LILRB5: variants seen among roughly 807,000 people sequenced by gnomAD.
The protein encoded by LILRB5 is leukocyte immunoglobulin like receptor B5, also known as leukocyte immunoglobulin-like receptor subfamily B member 5.
LILRB5 carries 61 observed loss-of-function variants against 68.4 expected under a neutral mutation model. The ratio of observed to expected loss-of-function variants is 0.89; its 90% CI spans 0.73 to 1.10. LILRB5 has a LOEUF of 1.10. Ranked by LOEUF, LILRB5 falls within the 50% of genes least tolerant of loss-of-function variation. The probability of loss-of-function intolerance (pLI) is 0.00; values close to 1 mark genes in which losing one functional copy is unlikely to be tolerated. For synonymous variants in LILRB5, 356 were observed against 315.8 expected (o/e 1.13, Z -1.35); for missense variants, 771 against 751.6 (o/e 1.03, Z -0.30).
In LILRB5 at chr19:54,256,500, A is replaced by T; in HGVS notation, c.344T>A (p.Leu115Gln). The stretch of plus-strand genomic sequence containing the variant: ...GAGTGTCCTCTCACCTGTCGCCACC[A>T]GCTCCAGGGGGTCACTGGGCTCTGA... ...GWSEPSDPLELVATGFYAEPT... is the reference protein window; with the variant it reads ...GWSEPSDPLEQVATGFYAEPT... The change falls in exon 3 of 13, where the codon CTG becomes CAG. Residue 115 changes from leucine (L) to glutamine (Q), a missense_variant. Transcript: ENST00000449561. 6.2e-7 allele frequency: 1 copy of T among 1,614,012 alleles called. No individual in the cohort carries two copies. Among genetic ancestry groups the T allele is most frequent in the East Asian group, 2.2e-5 (1 of 44,872 alleles).
At chr19:54,253,142 CTG>C (rs1368689024) in intron 8 of LILRB5, 155 bp from the exon 9 acceptor site, 1 of 327,458 alleles carries the variant, frequency 3.1e-6, no homozygotes, top group Non-Finnish European at 6.1e-6. Flanking sequence ...GAGGAGCAAA[CTG>C]AGGCTCAGAG....
chr19:54,251,363 T>C, intron 12 of LILRB5: 1 of 758,274 alleles, frequency 1.3e-6, no homozygotes, highest in East Asian at 2.7e-5. Flanking sequence ...ACCTTGCCCA[T>C]TTGGCTGCAG....
intron 12 of LILRB5, chr19:54,251,222 G>C (rs1436122595): frequency 1.5e-6 from 2 of 1,342,312 alleles, no homozygotes; most frequent in South Asian, 2.6e-5. Flanking sequence ...ACCTCCTGGA[G>C]TCAATTTTCC....
At position 54,252,862 on chromosome 19, in the gene LILRB5, C is replaced by T. The variant is rs771368965; in HGVS notation, c.1474+9G>A. The T allele has an allele frequency of 7.2e-5, 116 of 1,602,970 alleles. No homozygotes were observed. The highest frequency in any genetic ancestry group is 9.3e-5 in the Non-Finnish European group (109 of 1,172,992). On this transcript the variant is annotated intron_variant, in intron 9 of 12. Transcript: ENST00000449561. ...GGTCGGCCCACGGGTTCCCCCATTCCCTACTCACCCGATGTCCTGTGTTTG... is the reference window on the plus strand; with the variant it reads ...GGTCGGCCCACGGGTTCCCCCATTCTCTACTCACCCGATGTCCTGTGTTTG...
rs572964615 is a variant in LILRB5 at position 54,256,942 on chromosome 19, C to T, written c.70+19G>A. 1.5e-5 allele frequency: 24 copies of T among 1,614,184 alleles called. No individual in the cohort carries two copies. The African/African-American group carries it at 2.9e-4, about 20-fold the overall frequency. Reference sequence around the variant, plus strand: ...CCCAGTGAGAAGAAGGGACCTGGGACAGCTGGGGACAGACTCACCTGCCTG... The same window carrying T: ...CCCAGTGAGAAGAAGGGACCTGGGATAGCTGGGGACAGACTCACCTGCCTG... On this transcript the variant is annotated intron_variant, in intron 2 of 12. Coordinates refer to ENST00000449561, the MANE Select transcript of LILRB5 (RefSeq NM_001081442.3).
At chr19:54,253,965 A>G in intron 8 of LILRB5, 53 bp downstream of exon 8, 2 of 1,557,004 alleles carry the variant, frequency 1.3e-6, no homozygotes, top group Non-Finnish European at 1.7e-6. Flanking sequence ...GACAGAACCC[A>G]CCCCTGCCTC....
chr19:54,256,828 C>T (rs11879136), intron 2 of LILRB5, 55 bp from the exon 3 acceptor site: 431,052 of 1,608,210 alleles, frequency 0.27, 62,220 homozygotes, highest in African/African-American at 0.44. Flanking sequence ...CAGATTCCAG[C>T]TCTCAGCCCC....
rs1033215344 is a variant in LILRB5, at chr19:54,249,766, C to G, written c.*1020G>C. ...GAAATGTATGGGCTGGACGTGGTGG[C>G]TCACGCCTGTAAGCCCAGCACTTTG... On this transcript the variant is annotated 3_prime_UTR_variant, in exon 13 of 13. Transcript: ENST00000449561. The G allele has an allele frequency of 6.6e-6, 1 of 152,278 alleles. No individual in the cohort carries two copies. The highest frequency in any genetic ancestry group is 2.4e-5 in the African/African-American group (1 of 41,456). 9.4% of individuals were successfully genotyped at this position (152,278 alleles called of 1,614,324 possible).
chr19:54,253,394 T>C (rs1030785111), intron 8 of LILRB5: 1 of 203,842 alleles, frequency 4.9e-6, no homozygotes, highest in African/African-American at 2.3e-5. Flanking sequence ...GGACGGACCC[T>C]GCATTGCTCT....
rs944132557 is a variant in LILRB5, at chr19:54,255,057, G to A, written c.953-20C>T. ...TCAGTCCTGGAGAGAAGAAGGATGG[G>A]TGAGGGGCTGCCCCACCTTGCTCTG... On this transcript the variant is annotated intron_variant, in intron 5 of 12. Coordinates refer to ENST00000449561, the MANE Select transcript of LILRB5 (RefSeq NM_001081442.3). The A allele has an allele frequency of 6.3e-7, 1 of 1,580,384 alleles. No individual in the cohort carries two copies. Among genetic ancestry groups the A allele is most frequent in the East Asian group, 2.2e-5 (1 of 44,508 alleles).
intron 6 of LILRB5, 71 bp from the exon 7 acceptor site, chr19:54,254,486 C>G: frequency 6.7e-7 from 1 of 1,487,166 alleles, no homozygotes; most frequent in Non-Finnish European, 9.1e-7. Context: ...TCCACCTGCC[C>G]GTGGCTTCTC....
Position 54,252,125 on chromosome 19 carries a change from G to C in LILRB5, c.1577-19C>G, listed in dbSNP as rs375559918. The C allele has an allele frequency of 1.2e-6, 2 of 1,613,694 alleles. No individual in the cohort carries two copies. The highest frequency in any genetic ancestry group is 1.7e-6 in the Non-Finnish European group (2 of 1,179,702). On this transcript the variant is annotated intron_variant, in intron 11 of 12. Transcript: ENST00000449561. ...GCAGCATCTGCTGGGCCAGAGCAAG[G>C]GGTTCATCTCCTGGGAAGGTTCTCT...
rs1293600472 is a variant in LILRB5, at chr19:54,250,825, T to C, written c.1737A>G (p.Pro579=). The C allele has an allele frequency of 2.5e-6, 4 of 1,614,142 alleles. No individual in the cohort carries two copies. The highest frequency in any genetic ancestry group is 3.4e-6 in the Non-Finnish European group (4 of 1,180,012). The part of the protein sequence containing the change: ...EPPPSQEREP[P]AEPSIYAPLA... ...GGGGGGCGTAGATGCTGGGTTCAGC[T>C]GGAGGTTCCCTTTCCTGGGATGGAG... Residue 579 remains proline, a synonymous_variant, in exon 13 of 13, where the codon CCA becomes CCG. Coordinates refer to ENST00000449561, the MANE Select transcript of LILRB5 (RefSeq NM_001081442.3).
chr19:54,253,534 C>T lies in LILRB5; in HGVS notation c.1357+484G>A, dbSNP rs1473629971. 4.2e-5 allele frequency: 13 copies of T among 312,970 alleles called. No individual in the cohort carries two copies. In the East Asian group the frequency reaches 8.8e-4, roughly 21 times the overall value. 19.4% of individuals were successfully genotyped at this position (312,970 alleles called of 1,614,324 possible). On this transcript the variant is annotated intron_variant, in intron 8 of 12. Coordinates refer to ENST00000449561, the MANE Select transcript of LILRB5 (RefSeq NM_001081442.3). ...GGTAGCAGGAGGACGGTGCCCCTGC[C>T]GAGCTGTGTACAGGGCCAGGTCCCA...
chr19:54,255,631 C>A, intron 4 of LILRB5, 49 bp from the exon 5 acceptor site: 1 of 1,566,052 alleles, frequency 6.4e-7, no homozygotes, highest in Non-Finnish European at 8.7e-7. Flanking sequence ...CCTCCCCCGC[C>A]CCTTCCTTCT....
chr19:54,251,214 C>A, intron 12 of LILRB5: 1 of 1,436,680 alleles, frequency 7.0e-7, no homozygotes, highest in Non-Finnish European at 9.6e-7. Context: ...TCCCCCTGAC[C>A]TCCTGGAGTC....
At chr19:54,251,161 T>C in intron 12 of LILRB5, 3 of 1,595,672 alleles carry the variant, frequency 1.9e-6, no homozygotes, top group Non-Finnish European at 2.6e-6. Context: ...CTTCATCGTG[T>C]GGGCTCTGCT....
At position 54,249,740 on chromosome 19, in the gene LILRB5, T is replaced by G. The variant is rs1179629796; in HGVS notation, c.*1046A>C. On this transcript the variant is annotated 3_prime_UTR_variant, in exon 13 of 13. Transcript: ENST00000449561. ...GGACTAGGGCGCATCCCTTTAAAAT[T>G]GAAATGTATGGGCTGGACGTGGTGG... is the stretch of plus-strand genomic sequence containing the variant. 3.9e-5 allele frequency: 6 copies of G among 152,286 alleles called. No individual in the cohort carries two copies. The highest frequency in any genetic ancestry group is 3.4e-3 in the Middle Eastern group (1 of 294). The allele number at this position is 152,286 out of a possible 1,614,324, so 9.4% of individuals were successfully genotyped here. A position where few individuals can be genotyped will look rare whatever the true frequency, so the allele number is the denominator to read the frequency against.
chr19:54,252,908 G>A lies in LILRB5; in HGVS notation c.1437C>T (p.Leu479=). The A allele has an allele frequency of 6.3e-7, 1 of 1,595,380 alleles. No individual in the cohort carries two copies. The highest frequency in any genetic ancestry group is 8.6e-7 in the Non-Finnish European group (1 of 1,168,358). The part of the protein sequence containing the change: ...VLLLFLLLFL[L]LRHRHQSKHR... ...GTTTGCTCTGATGCCGATGTCGGAG[G>A]AGGAGGAAGAGGAGGAGGAACAGCA... The change falls in exon 9 of 13, where the codon CTC becomes CTT. Residue 479 remains leucine (L), a synonymous_variant. Transcript: ENST00000449561.
Sources: allele counts gnomAD v4.1 joint callset, GRCh38; gene constraint gnomAD v4.1.1; transcripts MANE v1.5; gene names NCBI Gene and HGNC (gene_info 2026-07-23, HGNC 2026-07-21).